The following CLSTN2 variants were observed in gnomAD, a reference collection of about 807,000 sequenced individuals.
CLSTN2 encodes the protein calsyntenin 2.
CLSTN2 carries 48 observed loss-of-function variants against 101.2 expected under a neutral mutation model. The observed-to-expected ratio is 0.47, with a 90% CI of 0.38 to 0.60. The LOEUF (loss-of-function observed/expected upper bound fraction) is 0.60. CLSTN2 is among the 20% of genes least tolerant of loss of function. CLSTN2 has a pLI of 0.00. For missense variants in CLSTN2, 1,160 were observed against 1,238.2 expected, an observed-to-expected ratio of 0.94 and a Z score of 0.95; for synonymous variants, 481 against 463.6, an observed-to-expected ratio of 1.04 and a Z score of -0.48.
intron 2 of CLSTN2, among the ~76,000 whole-genome samples, chr3:140,228,580 G>A (rs1017129531): frequency 1.3e-5 from 2 of 152,120 alleles, no homozygotes; most frequent in Admixed American, 6.5e-5. Context: ...CCCCACTCTT[G>A]TAGTACCAAC....
intron 2 of CLSTN2, among the ~76,000 whole-genome samples, chr3:140,393,417 C>T (rs936443511): frequency 2.6e-5 from 4 of 152,172 alleles, no homozygotes; most frequent in African/African-American, 7.2e-5. Flanking sequence ...ACCTCAAATA[C>T]GTTTAATTGT....
At chr3:139,953,477 C>T (rs1358531283) in intron 1 of CLSTN2, among the ~76,000 whole-genome samples, 3 of 152,126 alleles carry the variant, frequency 2.0e-5, no homozygotes, top group South Asian at 4.1e-4. Context: ...TCTGCTCATG[C>T]CTTTTTCGTG....
chr3:140,116,581 G>A (rs1297201858), intron 1 of CLSTN2, among the ~76,000 whole-genome samples: 4 of 152,272 alleles, frequency 2.6e-5, no homozygotes, highest in East Asian at 1.9e-4. Context: ...CTGCAGGGCC[G>A]ATCCTGTACT....
At chr3:140,548,157 A>G (rs1324783213) in intron 10 of CLSTN2, among the ~76,000 whole-genome samples, 2 of 152,184 alleles carry the variant, frequency 1.3e-5, no homozygotes, top group East Asian at 3.9e-4. Flanking sequence ...TTTAAATTGC[A>G]GCCACTTCCA....
chr3:140,444,448 A>G (rs1380599630), intron 5 of CLSTN2, among the ~76,000 whole-genome samples: 2 of 150,816 alleles, frequency 1.3e-5, no homozygotes, highest in African/African-American at 4.9e-5. Flanking sequence ...AAAAAATGCT[A>G]CATGGCCTTG....
At chr3:140,312,341 G>A (rs1389907500) in intron 2 of CLSTN2, among the ~76,000 whole-genome samples, 7 of 152,238 alleles carry the variant, frequency 4.6e-5, no homozygotes, top group African/African-American at 1.4e-4. Context: ...AAGAGCTGGC[G>A]CTTGGCCATT....
At chr3:140,240,301 T>TAC (rs202168807) in intron 2 of CLSTN2, among the ~76,000 whole-genome samples, 2,894 of 18,804 alleles carry the variant, frequency 0.15, 96 homozygotes, top group African/African-American at 0.19. Context: ...CACATATATA[T>TAC]ATATACACAC....
chr3:140,037,944 C>T (rs2007688167), intron 1 of CLSTN2, among the ~76,000 whole-genome samples: 1 of 152,174 alleles, frequency 6.6e-6, no homozygotes, highest in Admixed American at 6.5e-5. Context: ...TCCAGTCTAT[C>T]ATTGATGGGC....
chr3:139,990,028 C>T (rs113124720), intron 1 of CLSTN2, among the ~76,000 whole-genome samples: 23 of 152,160 alleles, frequency 1.5e-4, no homozygotes, highest in African/African-American at 4.6e-4. Flanking sequence ...ACTGGTAAAC[C>T]GAAATAGCCC....
chr3:139,987,872 G>A (rs1936053236), intron 1 of CLSTN2, among the ~76,000 whole-genome samples: 1 of 152,212 alleles, frequency 6.6e-6, no homozygotes, highest in Non-Finnish European at 1.5e-5. Flanking sequence ...TCCAGAAGAA[G>A]ACCTGTACTT....
intron 1 of CLSTN2, among the ~76,000 whole-genome samples, chr3:139,991,280 A>G (rs978821899): frequency 1.3e-5 from 2 of 152,258 alleles, no homozygotes; most frequent in African/African-American, 4.8e-5. Flanking sequence ...TTTGATTAAT[A>G]AAAATGCTAG....
chr3:140,485,930 G>A (rs1306011841), intron 8 of CLSTN2, among the ~76,000 whole-genome samples: 1 of 152,002 alleles, frequency 6.6e-6, no homozygotes, highest in East Asian at 1.9e-4. Context: ...GCCTCACCCT[G>A]CTTCGGCTCA....
intron 2 of CLSTN2, among the ~76,000 whole-genome samples, chr3:140,371,550 C>T (rs997938371): frequency 1.3e-5 from 2 of 152,172 alleles, no homozygotes; most frequent in Non-Finnish European, 2.9e-5. Flanking sequence ...AGTTGGCCAC[C>T]TGTGCCTGGG....
intron 5 of CLSTN2, among the ~76,000 whole-genome samples, chr3:140,431,104 T>G (rs2107997925): frequency 6.6e-6 from 1 of 152,310 alleles, no homozygotes; most frequent in Middle Eastern, 3.4e-3. Flanking sequence ...GTGATGAGAC[T>G]TACCTGGAAA....
chr3:140,179,607 C>A (rs1432746434), intron 2 of CLSTN2, among the ~76,000 whole-genome samples: 3 of 99,420 alleles, frequency 3.0e-5, no homozygotes, highest in African/African-American at 1.2e-4. Flanking sequence ...CACTCCAGAG[C>A]AAGACCCTAT....
chr3:139,965,796 C>A (rs1935589059), intron 1 of CLSTN2, among the ~76,000 whole-genome samples: 1 of 152,170 alleles, frequency 6.6e-6, no homozygotes, highest in African/African-American at 2.4e-5. Flanking sequence ...CCTCTAGCAT[C>A]CTCCTGAAGC....
chr3:139,951,096 C>G (rs2107810372), intron 1 of CLSTN2, among the ~76,000 whole-genome samples: 1 of 152,294 alleles, frequency 6.6e-6, no homozygotes, highest in African/African-American at 2.4e-5. Flanking sequence ...CCAGCTGACT[C>G]ACTTTAATGC....
At chr3:140,174,254 A>G (rs1341133045) in intron 1 of CLSTN2, among the ~76,000 whole-genome samples, 1 of 152,132 alleles carries the variant, frequency 6.6e-6, no homozygotes, top group Non-Finnish European at 1.5e-5. Context: ...GTCTCTGCTA[A>G]AATATAACAA....
Position 140,566,087 on chromosome 3 carries a change from C to T in CLSTN2, c.2702C>T (p.Thr901Ile). 6.2e-7 allele frequency: 1 copy of T among 1,613,284 alleles called. No individual in the cohort carries two copies. The part of the protein sequence containing the change: ...HEGPGHGEDE[T>I]EGEEEEEAEE... ...GGACCAGGGCATGGGGAAGATGAGA[C>T]TGAGGGAGAAGAGGAGGAAGAAGCC... Residue 901 changes from threonine (T) to isoleucine (I), a missense_variant, in exon 17 of 17, where the codon ACT becomes ATT. Physicochemically the swap from Thr to Ile is moderately conservative, Grantham distance 89 (BLOSUM62 -1). Transcript: ENST00000458420.
Sources: gnomAD v4.1 joint callset for allele counts (sites outside exome capture counted in the v4.1 genomes callset) on GRCh38, gnomAD v4.1.1 for gene constraint, MANE v1.5 for transcripts, NCBI Gene and HGNC (gene_info 2026-07-23, HGNC 2026-07-21) for gene names.